The following SYT7 variants were observed in gnomAD, a reference collection of about 807,000 sequenced individuals.
The protein encoded by SYT7 is synaptotagmin-7.
SYT7 carries 29 observed loss-of-function variants against 75.1 expected under a neutral mutation model. That is an observed-to-expected ratio of 0.39 (90% CI 0.29 to 0.53). The LOEUF (loss-of-function observed/expected upper bound fraction) is 0.53, where lower values mean the gene tolerates loss of function less well. Ranked by LOEUF, SYT7 falls within the 20% of genes least tolerant of loss-of-function variation. SYT7 has a pLI of 0.77. For synonymous variants in SYT7, 376 were observed against 401.7 expected (o/e 0.94, Z 0.76); for missense variants, 693 against 953.2 (o/e 0.73, Z 3.59).
chr11:61,585,248 C>T (rs977389972), upstream of SYT7, among the ~76,000 whole-genome samples: 2 of 152,142 alleles, frequency 1.3e-5, no homozygotes, highest in African/African-American at 2.4e-5. Flanking sequence ...ACAGTCCTTT[C>T]CCCCTACCCC....
chr11:61,571,591 C>G (rs1223585034), intron 1 of SYT7, among the ~76,000 whole-genome samples: 3 of 152,206 alleles, frequency 2.0e-5, no homozygotes, highest in Non-Finnish European at 4.4e-5. Context: ...TGCCGGCACC[C>G]CCATCCACAC....
chr11:61,516,240 A>G lies in SYT7; in HGVS notation c.*2387T>C. 6.6e-6 allele frequency: 1 copy of G among 152,124 alleles called. No individual in the cohort carries two copies. Among genetic ancestry groups the G allele is most frequent in the Non-Finnish European group, 1.5e-5 (1 of 68,118 alleles). 9.4% of individuals were successfully genotyped at this position (152,124 alleles called of 1,614,324 possible). On this transcript the variant is annotated 3_prime_UTR_variant, in exon 13 of 13. Transcript: ENST00000539008. This position sits in a 1 kb window ranked among gnomAD's most constrained non-coding sequence, Gnocchi z 4.6. ...CCTCGGCCCACCGCTTGCCGCCCCA[A>G]CATAGCATCCCAGAGCTCCACCTGC...
intron 1 of SYT7, 139 bp from the exon 2 acceptor site, chr11:61,556,346 G>C (rs1219380446): frequency 1.5e-6 from 1 of 646,342 alleles, no homozygotes; most frequent in East Asian, 2.8e-5. Flanking sequence ...TCTACTCCCA[G>C]TTCTGCCTTG....
chr11:61,523,317 G>A lies in SYT7; in HGVS notation c.1757-43C>T. The A allele has an allele frequency of 6.3e-7, 1 of 1,578,540 alleles. No homozygotes were observed. The highest frequency in any genetic ancestry group is 8.7e-7 in the Non-Finnish European group (1 of 1,148,332). On this transcript the variant is annotated intron_variant, in intron 11 of 12. Transcript: ENST00000539008. The surrounding 1 kb of genome is among the most constrained non-coding windows in gnomAD (Gnocchi z 5.0). ...GAAGGGTTAGAGGGACCGTGGGGGAGGGACTTCCTAGGATCCTTTTCCCCT... is the reference window on the plus strand; with the variant it reads ...GAAGGGTTAGAGGGACCGTGGGGGAAGGACTTCCTAGGATCCTTTTCCCCT...
chr11:61,585,261 C>A (rs866705889), upstream of SYT7, among the ~76,000 whole-genome samples: 2 of 152,184 alleles, frequency 1.3e-5, no homozygotes, highest in Non-Finnish European at 2.9e-5. Flanking sequence ...CCTACCCCCA[C>A]CCCCTTGGCT....
At chr11:61,532,936 C>T (rs1471240424) in intron 8 of SYT7, 53 bp downstream of exon 8, 4 of 1,602,858 alleles carry the variant, frequency 2.5e-6, no homozygotes, top group East Asian at 2.2e-5. Context: ...TTCTTCCTGC[C>T]CCTGGCCTCC....
At chr11:61,566,038 G>A (rs1394560193) in intron 1 of SYT7, among the ~76,000 whole-genome samples, 5 of 152,208 alleles carry the variant, frequency 3.3e-5, no homozygotes, top group East Asian at 1.9e-4. Flanking sequence ...GGGACATGTC[G>A]GGATCCACAA....
chr11:61,528,819 G>A (rs1346367740), intron 8 of SYT7, among the ~76,000 whole-genome samples: 1 of 152,158 alleles, frequency 6.6e-6, no homozygotes, highest in African/African-American at 2.4e-5. Flanking sequence ...GCAGTTTGAC[G>A]ATGGGGCTGG....
intron 1 of SYT7, among the ~76,000 whole-genome samples, chr11:61,564,238 G>A (rs2063709901): frequency 6.6e-6 from 1 of 152,146 alleles, no homozygotes; most frequent in Non-Finnish European, 1.5e-5. Context: ...ATTCATGTGT[G>A]CATGTGTGCT....
chr11:61,518,570 G>T lies in SYT7; in HGVS notation c.*57C>A. 7.7e-7 allele frequency: 1 copy of T among 1,290,618 alleles called. No individual in the cohort carries two copies. The highest frequency in any genetic ancestry group is 1.1e-6 in the Non-Finnish European group (1 of 938,142). The allele number at this position is 1,290,618 out of a possible 1,614,324, so 79.9% of individuals were successfully genotyped here. A position where few individuals can be genotyped will look rare whatever the true frequency, so the allele number is the denominator to read the frequency against. ...TCAGGCCGGGCGTTGTGCATAAAGT[G>T]GTGAGGGCATGATGGGGACCTGGGC... On this transcript the variant is annotated 3_prime_UTR_variant, in exon 13 of 13. Transcript: ENST00000539008.
intron 1 of SYT7, among the ~76,000 whole-genome samples, chr11:61,557,308 C>T (rs545720606): frequency 3.6e-4 from 55 of 152,206 alleles, no homozygotes; most frequent in African/African-American, 1.2e-3. Context: ...GAGGAGCCTG[C>T]GTGGGCTTTT....
In SYT7 at chr11:61,551,255, GA is replaced by G; in HGVS notation, c.215+128del. On this transcript the variant is annotated intron_variant, in intron 3 of 12. Coordinates refer to ENST00000539008, the MANE Select transcript of SYT7 (RefSeq NM_001365809.2). This position sits in a 1 kb window ranked among gnomAD's most constrained non-coding sequence, Gnocchi z 5.3. Reference sequence around the variant, plus strand: ...TTTGGGGGTGTGTGGAGGGTGTAGAGAGCATGGCATCGGGGTGTGGGGGAAG... The same window carrying G: ...TTTGGGGGTGTGTGGAGGGTGTAGAGGCATGGCATCGGGGTGTGGGGGAAG... The G allele has an allele frequency of 1.1e-6, 1 of 878,294 alleles. No individual in the cohort carries two copies. Among genetic ancestry groups the G allele is most frequent in the Non-Finnish European group, 1.8e-6 (1 of 555,484 alleles). 54.4% of individuals were successfully genotyped at this position (878,294 alleles called of 1,614,324 possible).
At chr11:61,581,973 G>A (rs530928541), upstream of SYT7, among the ~76,000 whole-genome samples, 2 of 152,194 alleles carry the variant, frequency 1.3e-5, no homozygotes, top group South Asian at 2.1e-4. Context: ...TCTGGGGCAG[G>A]GAGGAGAAGA....
upstream of SYT7, chr11:61,581,132 T>C (rs971558929): frequency 5.8e-6 from 1 of 172,554 alleles, no homozygotes; most frequent in African/African-American, 2.5e-5. Flanking sequence ...TGTGAGCGCG[T>C]GTGTGAGCGC....
chr11:61,530,850 G>A, intron 8 of SYT7: 1 of 985,438 alleles, frequency 1.0e-6, no homozygotes, highest in Non-Finnish European at 1.2e-6. Flanking sequence ...AGCTGGGACA[G>A]AGCCATCTCT....
Position 61,576,917 on chromosome 11 carries a change from C to T in SYT7, c.31+3873G>A, listed in dbSNP as rs1055845656. On this transcript the variant is annotated intron_variant, in intron 1 of 12. Coordinates refer to ENST00000539008, the MANE Select transcript of SYT7 (RefSeq NM_001365809.2). This position sits in a 1 kb window ranked among gnomAD's most constrained non-coding sequence, Gnocchi z 4.1. ...AGGAGCAGAACCCAGCTGCCCAGGG[C>T]CTGTCTTTGCTCACCCAGCACCCAC... 1.3e-5 allele frequency among the ~76,000 whole-genome samples: 2 copies of T among 152,138 alleles called. No individual in the cohort carries two copies. Among genetic ancestry groups the T allele is most frequent in the Non-Finnish European group, 2.9e-5 (2 of 68,010 alleles).
At chr11:61,557,377 C>T (rs748627098) in intron 1 of SYT7, among the ~76,000 whole-genome samples, 5 of 152,172 alleles carry the variant, frequency 3.3e-5, no homozygotes, top group East Asian at 1.9e-4. Flanking sequence ...CTGGTTCCTG[C>T]GGTTTTAGCT....
chr11:61,534,117 G>A (rs909208936), intron 7 of SYT7, among the ~76,000 whole-genome samples: 1 of 152,222 alleles, frequency 6.6e-6, no homozygotes, highest in African/African-American at 2.4e-5. Context: ...GAGGAAGAGA[G>A]GTAGGGGTAG....
chr11:61,554,429 C>A (rs775879600), intron 2 of SYT7, among the ~76,000 whole-genome samples: 1 of 152,032 alleles, frequency 6.6e-6, no homozygotes, highest in African/African-American at 2.4e-5. Context: ...GGTGAACGGA[C>A]ACGCACAGAC....
Sources: gnomAD v4.1 joint callset for allele counts (sites outside exome capture counted in the v4.1 genomes callset) on GRCh38, gnomAD v4.1.1 for gene constraint, Gnocchi (gnomAD v3.1) non-coding constraint, MANE v1.5 for transcripts, NCBI Gene and HGNC (gene_info 2026-07-23, HGNC 2026-07-21) for gene names.